The following TENM3 variants were observed in gnomAD, a reference collection of about 807,000 sequenced individuals.
The protein encoded by TENM3 is teneurin-3.
In TENM3, 63 loss-of-function variants were observed where a neutral mutation model predicts 255.1. The observed-to-expected ratio is 0.25, with a 90% CI of 0.20 to 0.30. The LOEUF is 0.30. Ranked by LOEUF, TENM3 falls within the 10% of genes least tolerant of loss-of-function variation. The pLI is 1.00. For missense variants in TENM3, 2,929 were observed against 3,461.1 expected, an observed-to-expected ratio of 0.85 and a Z score of 3.86; for synonymous variants, 1,306 against 1,322.3, an observed-to-expected ratio of 0.99 and a Z score of 0.27.
chr4:182,177,612 A>T (rs1462620431), intron 1 of TENM3, among the ~76,000 whole-genome samples: 3 of 127,940 alleles, frequency 2.3e-5, no homozygotes, highest in African/African-American at 7.6e-5. Flanking sequence ...ATATATATAT[A>T]TATTTTTTTT....
chr4:182,578,633 A>T (rs934567017), intron 3 of TENM3, among the ~76,000 whole-genome samples: 7 of 149,488 alleles, frequency 4.7e-5, no homozygotes, highest in African/African-American at 1.8e-4. Flanking sequence ...ATCACTTCAC[A>T]GCCTGATTGC....
At chr4:182,590,576 T>C (rs1024766643) in intron 3 of TENM3, among the ~76,000 whole-genome samples, 2 of 116,276 alleles carry the variant, frequency 1.7e-5, no homozygotes, top group Admixed American at 8.5e-5. Flanking sequence ...AAGAAAAAGG[T>C]GGGCCAAGTG....
In TENM3 at chr4:182,739,511, C is replaced by T. The variant is rs189584229; in HGVS notation, c.3379+967C>T. ...CCAGAGAAAAAAGTCACAGTCTCAG[C>T]AAAATAATCTAACTCTTGACTTTGC... On this transcript the variant is annotated intron_variant, in intron 18 of 27. Transcript: ENST00000511685. Among the ~76,000 whole-genome samples, 301 of 152,282 alleles carry T rather than the reference C, an allele frequency of 2.0e-3. 1 individual carries two copies. The highest frequency in any genetic ancestry group is 2.8e-3 in the Non-Finnish European group (192 of 68,028).
At chr4:181,857,685 G>A in the TENM3 span, among the ~76,000 whole-genome samples, 1 of 152,004 alleles carries the variant, frequency 6.6e-6, no homozygotes, top group Non-Finnish European at 1.5e-5. Context: ...TTGAGCCTGG[G>A]AGGCAGAGGT....
the TENM3 span, among the ~76,000 whole-genome samples, chr4:181,644,862 T>C: frequency 6.6e-6 from 1 of 152,004 alleles, no homozygotes; most frequent in Non-Finnish European, 1.5e-5. Flanking sequence ...AAATTTCTAC[T>C]TAGAGGGCCA....
the TENM3 span, among the ~76,000 whole-genome samples, chr4:181,876,450 C>A: frequency 2.6e-5 from 4 of 152,116 alleles, no homozygotes; most frequent in African/African-American, 9.6e-5. Context: ...GAGAGAGTGG[C>A]AGCTTGGGTG....
At chr4:182,773,343 G>T (rs781108804) in intron 22 of TENM3, 129 bp from the exon 23 acceptor site, 30 of 801,810 alleles carry the variant, frequency 3.7e-5, no homozygotes, top group African/African-American at 6.9e-5. Context: ...TCTTCACTCT[G>T]CATCGCTCAT....
At chr4:182,402,599 T>G (rs954757408) in intron 3 of TENM3, among the ~76,000 whole-genome samples, 2 of 152,204 alleles carry the variant, frequency 1.3e-5, no homozygotes, top group Non-Finnish European at 2.9e-5. Context: ...TTTAATATAC[T>G]TCTCTTCTTT....
intron 6 of TENM3, among the ~76,000 whole-genome samples, chr4:182,670,777 C>T (rs1012453899): frequency 8.5e-5 from 13 of 152,166 alleles, no homozygotes; most frequent in Middle Eastern, 3.4e-3. Flanking sequence ...GGTCATGTTC[C>T]GTAGTAATCT....
the TENM3 span, among the ~76,000 whole-genome samples, chr4:181,643,494 C>A: frequency 6.6e-6 from 1 of 152,220 alleles, no homozygotes; most frequent in South Asian, 2.1e-4. Context: ...CTTTCTCTTG[C>A]CTGATTGCCC....
At chr4:182,564,929 G>A (rs1463238804) in intron 3 of TENM3, among the ~76,000 whole-genome samples, 1 of 152,086 alleles carries the variant, frequency 6.6e-6, no homozygotes, top group Non-Finnish European at 1.5e-5. Flanking sequence ...ATTACAACAT[G>A]ACAGTATAAA....
the TENM3 span, among the ~76,000 whole-genome samples, chr4:181,801,365 C>T: frequency 6.6e-6 from 1 of 151,942 alleles, no homozygotes; most frequent in African/African-American, 2.4e-5. Flanking sequence ...TATTGTATTG[C>T]CTGCATTTAT....
chr4:182,513,722 G>C (rs1737651370), intron 3 of TENM3, among the ~76,000 whole-genome samples: 1 of 152,040 alleles, frequency 6.6e-6, no homozygotes, highest in South Asian at 2.1e-4. Context: ...GACCCTGGAG[G>C]GACTGCCCCT....
intron 1 of TENM3, among the ~76,000 whole-genome samples, chr4:182,308,321 G>GT (rs58934336): frequency 0.079 from 11,526 of 146,824 alleles, 508 homozygotes; most frequent in East Asian, 0.15. Flanking sequence ...CACATATTTG[G>GT]TTTTTTTTTT....
chr4:182,377,333 A>C (rs1767244499), intron 3 of TENM3, among the ~76,000 whole-genome samples: 1 of 151,410 alleles, frequency 6.6e-6, no homozygotes, highest in African/African-American at 2.5e-5. Context: ...ATTTATTTTG[A>C]GACAGAGTCT....
At chr4:182,479,931 G>T (rs1027629459) in intron 3 of TENM3, among the ~76,000 whole-genome samples, 1 of 151,906 alleles carries the variant, frequency 6.6e-6, no homozygotes, top group Admixed American at 6.6e-5. Flanking sequence ...TTTCCCTGAA[G>T]TGTTGCCTGC....
intron 1 of TENM3, among the ~76,000 whole-genome samples, chr4:182,200,314 T>C (rs931692819): frequency 6.6e-6 from 1 of 152,236 alleles, no homozygotes; most frequent in African/African-American, 2.4e-5. Flanking sequence ...CTTTAAAACT[T>C]ATTCCACTGA....
At chr4:181,831,050 A>C in the TENM3 span, among the ~76,000 whole-genome samples, 1 of 152,148 alleles carries the variant, frequency 6.6e-6, no homozygotes, top group Non-Finnish European at 1.5e-5. Context: ...CCAACCCCCA[A>C]AAAACTGGTT....
At chr4:181,485,134 G>A in the TENM3 span, among the ~76,000 whole-genome samples, 1 of 152,124 alleles carries the variant, frequency 6.6e-6, no homozygotes, top group African/African-American at 2.4e-5. Flanking sequence ...TAAAACATAA[G>A]TGTCAATCAT....
Sources: allele counts gnomAD v4.1 joint callset (sites outside exome capture counted in the v4.1 genomes callset), GRCh38; gene constraint gnomAD v4.1.1; transcripts MANE v1.5; gene names NCBI Gene and HGNC (gene_info 2026-07-23, HGNC 2026-07-21).